Variants in LYZL4 observed in about 807,000 individuals in gnomAD.
LYZL4 encodes lysozyme like 4.
In LYZL4, 13 loss-of-function variants were observed where a neutral mutation model predicts 17.6. The ratio of observed to expected loss-of-function variants is 0.74; its 90% confidence interval spans 0.48 to 1.18. The LOEUF is 1.18. Ranked by LOEUF, LYZL4 falls within the 50% of genes most tolerant of loss-of-function variation. The pLI is 0.00. For missense variants in LYZL4, 174 were observed against 188.2 expected (o/e 0.92, Z 0.44); for synonymous variants, 64 against 67.7 (o/e 0.95, Z 0.27).
At chr3:42,378,735 T>C in the LYZL4 span, among the ~76,000 whole-genome samples, 2 of 152,178 alleles carry the variant, frequency 1.3e-5, no homozygotes, top group African/African-American at 4.8e-5. Flanking sequence ...ATTAGTAAGA[T>C]GGAGTGCAAC....
chr3:42,372,356 C>T, the LYZL4 span, among the ~76,000 whole-genome samples: 22 of 152,140 alleles, frequency 1.4e-4, no homozygotes, highest in African/African-American at 4.3e-4. Context: ...CTGTGTCTGA[C>T]ATATAGTGAT....
At chr3:42,381,273 CAT>C in the LYZL4 span, among the ~76,000 whole-genome samples, 7 of 151,764 alleles carry the variant, frequency 4.6e-5, no homozygotes, top group South Asian at 1.3e-3. Flanking sequence ...CCCTTCATTT[CAT>C]AAATGCCTAT....
chr3:42,366,326 C>G, the LYZL4 span, among the ~76,000 whole-genome samples: 1 of 152,162 alleles, frequency 6.6e-6, no homozygotes, highest in Non-Finnish European at 1.5e-5. Flanking sequence ...CTGCCCATTG[C>G]CAGAACACGG....
chr3:42,407,538 C>A (rs1219206337), intron 1 of LYZL4, 195 bp from the exon 2 acceptor site: 8 of 427,742 alleles, frequency 1.9e-5, no homozygotes, highest in Non-Finnish European at 3.4e-5. Flanking sequence ...GGCCCCCTCC[C>A]AACCCCAATT....
At chr3:42,406,740 C>G in intron 3 of LYZL4, 106 bp downstream of exon 3, 2 of 1,419,628 alleles carry the variant, frequency 1.4e-6, no homozygotes, top group Non-Finnish European at 1.9e-6. Flanking sequence ...CCTGCCACAC[C>G]CTCTTCTTTG....
At chr3:42,401,772 T>C (rs989416744) in intron 4 of LYZL4, among the ~76,000 whole-genome samples, 2 of 151,764 alleles carry the variant, frequency 1.3e-5, no homozygotes, top group Non-Finnish European at 2.9e-5. Flanking sequence ...AAACTAGAGA[T>C]GGAAAGGAAC....
the LYZL4 span, among the ~76,000 whole-genome samples, chr3:42,368,381 G>A: frequency 6.6e-6 from 1 of 152,304 alleles, no homozygotes; most frequent in Non-Finnish European, 1.5e-5. Flanking sequence ...GAATTGCTGA[G>A]ATACTAAAGT....
chr3:42,404,084 G>A lies in LYZL4; in HGVS notation c.333C>T (p.Ala111=). ...CTTCTTTTCCTTTTACAATGGTCTT[G>A]GCACATTTAATTGTCTTCTCTAAAT... ...NPNLEKTIKC[A]KTIVKGKEGM... The change falls in exon 4 of 5, where the codon GCC becomes GCT. Residue 111 remains alanine (A), a synonymous_variant. Coordinates refer to ENST00000287748, the MANE Select transcript of LYZL4 (RefSeq NM_144634.4). 1 of 1,612,876 alleles carries A rather than the reference G, an allele frequency of 6.2e-7. No individual in the cohort carries two copies.
chr3:42,374,635 A>T, the LYZL4 span, among the ~76,000 whole-genome samples: 1 of 152,124 alleles, frequency 6.6e-6, no homozygotes, highest in Non-Finnish European at 1.5e-5. Flanking sequence ...AATCAACAAC[A>T]CTGATACGGC....
intron 3 of LYZL4, among the ~76,000 whole-genome samples, chr3:42,406,453 C>CAAAAAAAAAAAA (rs565639489): frequency 1.4e-4 from 12 of 84,152 alleles, no homozygotes; most frequent in African/African-American, 4.6e-4. Context: ...GACTCCGTCT[C>CAAAAAAAAAAAA]AAAAAAAAAA....
the LYZL4 span, among the ~76,000 whole-genome samples, chr3:42,386,832 T>C: frequency 6.6e-6 from 1 of 152,218 alleles, no homozygotes; most frequent in South Asian, 2.1e-4. Context: ...GTCTTGGATT[T>C]GCTTCAAAAT....
At chr3:42,370,295 A>G in the LYZL4 span, among the ~76,000 whole-genome samples, 14 of 60,982 alleles carry the variant, frequency 2.3e-4, no homozygotes, top group African/African-American at 9.1e-4. Flanking sequence ...ACCCACCCCC[A>G]ACCATGGACT....
At chr3:42,393,397 GCGTTTTT>G (rs1376981509), downstream of LYZL4, among the ~76,000 whole-genome samples, 2 of 152,040 alleles carry the variant, frequency 1.3e-5, no homozygotes, top group Non-Finnish European at 2.9e-5. Context: ...ATCTGTAGCA[GCGTTTTT>G]ACTCATAAAG....
intron 3 of LYZL4, 28 bp from the exon 4 acceptor site, chr3:42,404,152 C>T (rs1237921215): frequency 1.4e-6 from 2 of 1,460,814 alleles, no homozygotes; most frequent in Non-Finnish European, 1.9e-6. Flanking sequence ...TGGAAGATAC[C>T]ATGCTGCCAT....
At chr3:42,392,870 A>AATG (rs1698503476), downstream of LYZL4, among the ~76,000 whole-genome samples, 1 of 152,190 alleles carries the variant, frequency 6.6e-6, no homozygotes, top group Non-Finnish European at 1.5e-5. Flanking sequence ...TGGTGGAGTT[A>AATG]CTAGTAATGG....
At chr3:42,393,125 G>T (rs1224688122), downstream of LYZL4, among the ~76,000 whole-genome samples, 1 of 152,184 alleles carries the variant, frequency 6.6e-6, no homozygotes. Context: ...CAGGGAGGAA[G>T]GAGGAAGCAG....
chr3:42,375,102 T>C, the LYZL4 span, among the ~76,000 whole-genome samples: 4 of 152,286 alleles, frequency 2.6e-5, no homozygotes, highest in East Asian at 1.9e-4. Context: ...TGAGCCACTG[T>C]ACCTGGCCTA....
the LYZL4 span, among the ~76,000 whole-genome samples, chr3:42,361,967 C>T: frequency 0.012 from 1,891 of 152,160 alleles, 26 homozygotes; most frequent in Non-Finnish European, 0.018. Flanking sequence ...TGTTGTATTC[C>T]TTTTTTAATT....
rs1698770279 is a variant in LYZL4 at position 42,407,130 on chromosome 3, C to T, written c.122G>A (p.Gly41Asp). Residue 41 changes from glycine to aspartate, a missense_variant, in exon 2 of 5, where the codon GGC becomes GAC. Transcript: ENST00000287748. ...LHDGGLDYFE[G>D]YSLENWVCLA... is the part of the protein sequence containing the mutation. ...CTACTCACAGTTCTCAAGGCTATAG[C>T]CCTCAAAATAATCCAGGCCTCCATC... is the stretch of plus-strand genomic sequence containing the variant. 1 of 1,614,016 alleles carries T rather than the reference C, an allele frequency of 6.2e-7. No homozygotes were observed. The highest frequency in any genetic ancestry group is 8.5e-7 in the Non-Finnish European group (1 of 1,180,034).
Sources: allele counts gnomAD v4.1 joint callset (sites outside exome capture counted in the v4.1 genomes callset), GRCh38; gene constraint gnomAD v4.1.1; transcripts MANE v1.5; gene names NCBI Gene and HGNC (gene_info 2026-07-23, HGNC 2026-07-21).